SPTA1: variants seen among roughly 807,000 people sequenced by gnomAD.
The protein encoded by SPTA1 is spectrin alpha chain, erythrocytic 1.
A neutral mutation model predicts 324.7 loss-of-function variants in SPTA1; 177 were observed. The observed-to-expected ratio is 0.55, with a 90% CI of 0.48 to 0.62. The LOEUF is 0.62. SPTA1 is among the 20% of genes least tolerant of loss of function. The pLI, the probability that SPTA1 is intolerant of heterozygous loss-of-function variation, is 0.00. For missense variants in SPTA1, 3,162 were observed against 2,883.6 expected (o/e 1.10, Z -2.21); for synonymous variants, 1,195 against 1,041.3 (o/e 1.15, Z -2.84).
At chr1:158,646,964 G>A (rs1007017106) in intron 27 of SPTA1, among the ~76,000 whole-genome samples, 10 of 152,050 alleles carry the variant, frequency 6.6e-5, no homozygotes, top group Non-Finnish European at 1.0e-4. Context: ...TCTGGAATTT[G>A]GTCCCAATAT....
chr1:158,658,251 A>G (rs528854209), intron 18 of SPTA1, among the ~76,000 whole-genome samples: 16 of 152,328 alleles, frequency 1.1e-4, no homozygotes, highest in Admixed American at 1.0e-3. Flanking sequence ...ACCACCAGTC[A>G]CACTGAATTG....
chr1:158,656,771 A>G, intron 19 of SPTA1, 115 bp from the exon 20 acceptor site: 1 of 940,292 alleles, frequency 1.1e-6, no homozygotes, highest in Non-Finnish European at 1.7e-6. Context: ...GCTGCTTTCC[A>G]TCTATCATAA....
At chr1:158,673,722 C>A (rs1007151915) in intron 10 of SPTA1, among the ~76,000 whole-genome samples, 1 of 152,028 alleles carries the variant, frequency 6.6e-6, no homozygotes, top group Non-Finnish European at 1.5e-5. Context: ...ACTGGGCATA[C>A]GTCAGGAGGC....
chr1:158,634,412 A>G, intron 39 of SPTA1, 131 bp downstream of exon 39: 6 of 1,352,000 alleles, frequency 4.4e-6, no homozygotes, highest in Non-Finnish European at 2.1e-6. Context: ...TAAAACTGTC[A>G]GGATTATTCG....
Position 158,622,340 on chromosome 1 carries a change from A to G in SPTA1, c.6120+643T>C, listed in dbSNP as rs538585152. 3.3e-5 allele frequency among the ~76,000 whole-genome samples: 5 copies of G among 152,122 alleles called. No homozygotes were observed. The South Asian group carries it at 1.0e-3, about 32-fold the overall frequency. On this transcript the variant is annotated intron_variant, in intron 43 of 51. Coordinates refer to ENST00000643759, the MANE Select transcript of SPTA1 (RefSeq NM_003126.4). ...CATATTTATTATGTATTATTAATGT[A>G]CATATATTTAGGTACATATAATGTA...
chr1:158,619,904 C>A (rs1410379455), intron 44 of SPTA1, among the ~76,000 whole-genome samples: 1 of 152,132 alleles, frequency 6.6e-6, no homozygotes, highest in Non-Finnish European at 1.5e-5. Flanking sequence ...CATAGCTCAT[C>A]ATTAGAACCA....
chr1:158,650,872 T>C (rs945465988), intron 24 of SPTA1, among the ~76,000 whole-genome samples: 5 of 152,248 alleles, frequency 3.3e-5, no homozygotes, highest in Non-Finnish European at 2.9e-5. Flanking sequence ...GGTTTGGATA[T>C]TGTAATTTGG....
chr1:158,636,553 G>C, intron 37 of SPTA1, 88 bp downstream of exon 37: 1 of 1,489,734 alleles, frequency 6.7e-7, no homozygotes, highest in Admixed American at 1.7e-5. Flanking sequence ...CTATTTTCAC[G>C]TTTTGTAGCA....
intron 47 of SPTA1, among the ~76,000 whole-genome samples, chr1:158,617,091 A>C (rs1470428701): frequency 6.6e-6 from 1 of 152,142 alleles, no homozygotes; most frequent in Non-Finnish European, 1.5e-5. Context: ...TACTTCGCTC[A>C]GTTGTCAAGA....
chr1:158,615,103 G>A, intron 48 of SPTA1, 113 bp downstream of exon 48: 1 of 1,175,106 alleles, frequency 8.5e-7, no homozygotes, highest in South Asian at 1.3e-5. Flanking sequence ...CCAGAATATT[G>A]GTTCTCTGAA....
intron 47 of SPTA1, among the ~76,000 whole-genome samples, chr1:158,616,025 G>A (rs1252447849): frequency 1.3e-5 from 2 of 152,182 alleles, no homozygotes; most frequent in Middle Eastern, 6.3e-3. Flanking sequence ...AATTTATTCT[G>A]ATGATTGTGG....
At chr1:158,613,086 GC>G (rs1400837755) in intron 50 of SPTA1, 125 bp from the exon 51 acceptor site, 2 of 1,044,648 alleles carry the variant, frequency 1.9e-6, no homozygotes, top group African/African-American at 3.1e-5. Flanking sequence ...TTCCAACTAA[GC>G]TTTCTGGGAT....
At chr1:158,659,169 T>C (rs919102695) in intron 18 of SPTA1, among the ~76,000 whole-genome samples, 2 of 152,054 alleles carry the variant, frequency 1.3e-5, no homozygotes, top group African/African-American at 2.4e-5. Flanking sequence ...TTATAGGGTA[T>C]ATAACATGTA....
chr1:158,642,153 C>G (rs1651639842), intron 33 of SPTA1, among the ~76,000 whole-genome samples: 1 of 151,582 alleles, frequency 6.6e-6, no homozygotes, highest in African/African-American at 2.4e-5. Context: ...ACACCAGGGA[C>G]TGTTGTGGGG....
intron 1 of SPTA1, among the ~76,000 whole-genome samples, chr1:158,685,560 A>T (rs2276402): frequency 2.6e-5 from 4 of 151,888 alleles, no homozygotes; most frequent in African/African-American, 4.8e-5. Flanking sequence ...TATCCAGAAG[A>T]CTCTCCTCAC....
chr1:158,669,929 G>A, intron 12 of SPTA1, 143 bp from the exon 13 acceptor site: 2 of 775,922 alleles, frequency 2.6e-6, no homozygotes, highest in East Asian at 2.6e-5. Context: ...TCCTTATTCA[G>A]GTTTCTGTTA....
chr1:158,643,635 C>T (rs1651781174), intron 30 of SPTA1, among the ~76,000 whole-genome samples: 1 of 152,084 alleles, frequency 6.6e-6, no homozygotes, highest in South Asian at 2.1e-4. Context: ...GTACAGAGTT[C>T]CCTAAAGAAC....
In SPTA1 at chr1:158,640,116, T is replaced by C. The variant is rs1651432240; in HGVS notation, c.4738-109A>G. The C allele has an allele frequency of 2.5e-5, 34 of 1,376,102 alleles. No homozygotes were observed. The South Asian group carries it at 3.9e-4, about 16-fold the overall frequency. The allele number at this position is 1,376,102 out of a possible 1,614,324, so 85.2% of individuals were successfully genotyped here. A position where few individuals can be genotyped will look rare whatever the true frequency, so the allele number is the denominator to read the frequency against. ...GTGAAGGCAGGAACTAGCCAAAATT[T>C]GCTGATACTTGAATATCATACATTT... On this transcript the variant is annotated intron_variant, in intron 33 of 51. Transcript: ENST00000643759.
chr1:158,611,498 G>A, intron 51 of SPTA1, 109 bp from the exon 52 acceptor site: 1 of 1,288,110 alleles, frequency 7.8e-7, no homozygotes, highest in African/African-American at 1.5e-5. Flanking sequence ...GTCTCTGGAA[G>A]ACGCAAGCCC....
Sources: gnomAD v4.1 joint callset for allele counts (sites outside exome capture counted in the v4.1 genomes callset) on GRCh38, gnomAD v4.1.1 for gene constraint, MANE v1.5 for transcripts, NCBI Gene and HGNC (gene_info 2026-07-23, HGNC 2026-07-21) for gene names.